CNTN4: variants seen among roughly 807,000 people sequenced by gnomAD.
The protein encoded by CNTN4 is contactin 4, also known as contactin-4.
CNTN4 carries 77 observed loss-of-function variants against 122.5 expected under a neutral mutation model. That is an observed-to-expected ratio of 0.63 (90% CI 0.52 to 0.76). CNTN4 has a LOEUF of 0.76. CNTN4 is among the 30% of genes least tolerant of loss of function. CNTN4 has a pLI of 0.00. For synonymous variants in CNTN4, 512 were observed against 447.0 expected (o/e 1.15, Z -1.83); for missense variants, 1,256 against 1,259.1 (o/e 1.00, Z 0.04).
chr3:2,600,764 A>T (rs1477335447), intron 4 of CNTN4, among the ~76,000 whole-genome samples: 2 of 152,180 alleles, frequency 1.3e-5, no homozygotes, highest in Non-Finnish European at 2.9e-5. Flanking sequence ...TAGATCCTTG[A>T]GGAATCTCCA....
At chr3:2,950,760 C>T (rs1418154866) in intron 13 of CNTN4, among the ~76,000 whole-genome samples, 2 of 152,202 alleles carry the variant, frequency 1.3e-5, no homozygotes, top group African/African-American at 4.8e-5. Flanking sequence ...TATATGGAGA[C>T]CTTCCTGAAT....
At chr3:2,651,005 T>G (rs1456107602) in intron 4 of CNTN4, among the ~76,000 whole-genome samples, 1 of 152,194 alleles carries the variant, frequency 6.6e-6, no homozygotes, top group Non-Finnish European at 1.5e-5. Flanking sequence ...ACAATCCTGT[T>G]ATAAAGGTTA....
intron 7 of CNTN4, among the ~76,000 whole-genome samples, chr3:2,821,814 A>G (rs957826517): frequency 2.4e-4 from 37 of 152,354 alleles, no homozygotes; most frequent in African/African-American, 8.2e-4. Flanking sequence ...AGTTTAGTTC[A>G]ATATCTGCTA....
At chr3:2,268,001 G>A (rs547478944) in intron 2 of CNTN4, among the ~76,000 whole-genome samples, 6 of 152,240 alleles carry the variant, frequency 3.9e-5, no homozygotes, top group African/African-American at 1.4e-4. Flanking sequence ...GACAGAAGGT[G>A]TGGTTCATAG....
At chr3:2,576,125 A>G (rs9831596) in intron 4 of CNTN4, among the ~76,000 whole-genome samples, 15,835 of 151,924 alleles carry the variant, frequency 0.1, 886 homozygotes, top group African/African-American at 0.14. Context: ...GTGAGCCACC[A>G]CGCCCAGCCG....
At chr3:2,900,926 G>T (rs1157913098) in intron 11 of CNTN4, 105 bp downstream of exon 11, 2 of 1,384,532 alleles carry the variant, frequency 1.4e-6, no homozygotes, top group South Asian at 2.4e-5. Flanking sequence ...AAAATAATAT[G>T]CAATGAAACA....
intron 6 of CNTN4, among the ~76,000 whole-genome samples, chr3:2,764,418 C>G (rs2090744586): frequency 6.6e-6 from 1 of 152,244 alleles, no homozygotes; most frequent in South Asian, 2.1e-4. Flanking sequence ...TACAAAGGTG[C>G]TGTGGTGGCA....
chr3:2,752,981 A>G (rs191127244), intron 6 of CNTN4, among the ~76,000 whole-genome samples: 3 of 152,322 alleles, frequency 2.0e-5, no homozygotes, highest in Non-Finnish European at 4.4e-5. Context: ...ATAATATTCC[A>G]TTATGTATGT....
rs150498927 is a variant in CNTN4, at chr3:2,813,543, T to C, written c.359-5943T>C. ...ACTATGATGTGTGATATTATCTCAT[T>C]AACCTTTCCTGGCCATTTTAAAACT... On this transcript the variant is annotated intron_variant, in intron 6 of 24. Coordinates refer to ENST00000418658, the MANE Select transcript of CNTN4 (RefSeq NM_175607.3). Among the ~76,000 whole-genome samples, 136 of 152,322 alleles carry C rather than the reference T, an allele frequency of 8.9e-4. 1 individual carries two copies. Among genetic ancestry groups the C allele is most frequent in the African/African-American group, 3.2e-3 (131 of 41,582 alleles).
At chr3:2,589,005 A>G (rs1204757445) in intron 4 of CNTN4, among the ~76,000 whole-genome samples, 1 of 152,134 alleles carries the variant, frequency 6.6e-6, no homozygotes, top group Non-Finnish European at 1.5e-5. Context: ...TGTTGCCTTT[A>G]TGGTTTAATT....
At chr3:2,398,522 G>A (rs543879320) in intron 3 of CNTN4, among the ~76,000 whole-genome samples, 1 of 152,092 alleles carries the variant, frequency 6.6e-6, no homozygotes, top group South Asian at 2.1e-4. Flanking sequence ...TCATTATATT[G>A]CCATTGAGGG....
At chr3:2,512,917 C>T (rs1423368068) in intron 3 of CNTN4, among the ~76,000 whole-genome samples, 5 of 152,130 alleles carry the variant, frequency 3.3e-5, no homozygotes, top group African/African-American at 1.2e-4. Context: ...AGTATGTTCT[C>T]ATTAGATTTG....
chr3:3,002,232 C>CT (rs1399645431), intron 14 of CNTN4, among the ~76,000 whole-genome samples: 8 of 152,224 alleles, frequency 5.3e-5, no homozygotes, highest in Middle Eastern at 3.4e-3. Context: ...AAAATTTGTG[C>CT]TAAGCTTCAG....
chr3:2,807,750 T>C (rs2092505052), intron 6 of CNTN4, among the ~76,000 whole-genome samples: 1 of 152,114 alleles, frequency 6.6e-6, no homozygotes. Flanking sequence ...TAGTTCAAAA[T>C]CCTGAAACTG....
chr3:2,722,992 G>A (rs899548866), intron 4 of CNTN4, among the ~76,000 whole-genome samples: 3 of 152,124 alleles, frequency 2.0e-5, no homozygotes, highest in African/African-American at 7.2e-5. Flanking sequence ...CTATTGAAGG[G>A]AAATGGACTT....
intron 3 of CNTN4, among the ~76,000 whole-genome samples, chr3:2,422,211 G>T (rs2047644869): frequency 6.6e-6 from 1 of 152,178 alleles, no homozygotes; most frequent in Non-Finnish European, 1.5e-5. Flanking sequence ...AAGTCAATTT[G>T]TGTTATCCCC....
At chr3:2,843,004 T>G (rs946968637) in intron 7 of CNTN4, among the ~76,000 whole-genome samples, 4 of 152,158 alleles carry the variant, frequency 2.6e-5, no homozygotes, top group African/African-American at 9.7e-5. Context: ...AAATGCCATC[T>G]TTATACTGAT....
chr3:2,406,570 A>C (rs578088294), intron 3 of CNTN4, among the ~76,000 whole-genome samples: 8 of 152,308 alleles, frequency 5.3e-5, no homozygotes, highest in Non-Finnish European at 1.5e-5. Flanking sequence ...TGAAGAGTGT[A>C]TGGGAATTCT....
At chr3:2,978,205 A>G (rs1165170977) in intron 13 of CNTN4, among the ~76,000 whole-genome samples, 1 of 152,126 alleles carries the variant, frequency 6.6e-6, no homozygotes, top group African/African-American at 2.4e-5. Context: ...CACCACACCC[A>G]TCGTCCCCTC....
Sources: allele counts gnomAD v4.1 joint callset (sites outside exome capture counted in the v4.1 genomes callset), GRCh38; gene constraint gnomAD v4.1.1; transcripts MANE v1.5; gene names NCBI Gene and HGNC (gene_info 2026-07-23, HGNC 2026-07-21).